ATE1: variants seen among roughly 807,000 people sequenced by gnomAD.
The protein encoded by ATE1 is arginyltransferase 1, also known as arginyl-tRNA--protein transferase 1.
A neutral mutation model predicts 70.5 loss-of-function variants in ATE1; 36 were observed. The observed-to-expected ratio is 0.51, with a 90% CI of 0.39 to 0.67. The LOEUF is 0.67. ATE1 is among the 30% of genes least tolerant of loss of function. ATE1 has a pLI of 0.00. For missense variants in ATE1, 593 were observed against 629.5 expected (o/e 0.94, Z 0.62); for synonymous variants, 232 against 219.3 (o/e 1.06, Z -0.51).
intron 4 of ATE1, among the ~76,000 whole-genome samples, chr10:121,913,141 G>A (rs7092306): frequency 0.91 from 137,811 of 152,248 alleles, 62,519 homozygotes; most frequent in Middle Eastern, 0.96. Context: ...GGCCTCCCAA[G>A]GTGCTGGGAT....
intron 7 of ATE1, among the ~76,000 whole-genome samples, chr10:121,887,266 T>C (rs967202104): frequency 6.6e-6 from 1 of 152,176 alleles, no homozygotes; most frequent in Non-Finnish European, 1.5e-5. Flanking sequence ...AATGGACTCA[T>C]CACGACCTTT....
chr10:121,794,395 A>C (rs2133313603), intron 10 of ATE1, among the ~76,000 whole-genome samples: 1 of 152,266 alleles, frequency 6.6e-6, no homozygotes, highest in South Asian at 2.1e-4. Context: ...AGAACATAAA[A>C]GAAGAGAATA....
intron 7 of ATE1, among the ~76,000 whole-genome samples, chr10:121,890,566 G>T (rs573056499): frequency 1.3e-3 from 204 of 152,228 alleles, no homozygotes; most frequent in Middle Eastern, 3.4e-3. Flanking sequence ...TAAAATTTGG[G>T]AAACAATTAG....
intron 11 of ATE1, among the ~76,000 whole-genome samples, chr10:121,784,382 A>G (rs1946121759): frequency 6.6e-6 from 1 of 152,256 alleles, no homozygotes; most frequent in African/African-American, 2.4e-5. Context: ...CAAGTAAAAC[A>G]TTATACTTCA....
chr10:121,877,475 T>C (rs1222530509), intron 7 of ATE1, among the ~76,000 whole-genome samples: 1 of 152,120 alleles, frequency 6.6e-6, no homozygotes, highest in Non-Finnish European at 1.5e-5. Context: ...AGTATAGTTA[T>C]TTCCAGGTTG....
rs1337247371 is a variant in ATE1 at position 121,741,859 on chromosome 10, T to C, written c.*1821A>G. 2.6e-5 allele frequency: 4 copies of C among 152,252 alleles called. No homozygotes were observed. The highest frequency in any genetic ancestry group is 2.6e-4 in the Admixed American group (4 of 15,284). 9.4% of individuals were successfully genotyped at this position (152,252 alleles called of 1,614,324 possible). On this transcript the variant is annotated 3_prime_UTR_variant, in exon 12 of 12. Transcript: ENST00000224652. ...TGTGTATACATACATGACAGTTCTT[T>C]TCTCCTTCTGAGTATGGTAGGGTTG... is the stretch of plus-strand genomic sequence containing the variant.
At position 121,816,043 on chromosome 10, in the gene ATE1, A is replaced by T. The variant is rs528963968; in HGVS notation, c.1257+20675T>A. Among the ~76,000 whole-genome samples, 152 of 152,318 alleles carry T rather than the reference A, an allele frequency of 1.0e-3. 1 individual carries two copies. The highest frequency in any genetic ancestry group is 3.4e-3 in the Middle Eastern group (1 of 294). ...TAGCTATTTTAGGGCAAACAGAAAT[A>T]GGAACTCAGAATGGGCGCCTATTCA... is the stretch of plus-strand genomic sequence containing the variant. On this transcript the variant is annotated intron_variant, in intron 10 of 11. Coordinates refer to ENST00000224652, the MANE Select transcript of ATE1 (RefSeq NM_001001976.3).
chr10:121,743,916 CTTTTTTTTTTTTT>C (rs35850942), intron 11 of ATE1, 58 bp from the exon 12 acceptor site: 31 of 870,828 alleles, frequency 3.6e-5, no homozygotes, highest in African/African-American at 1.2e-4. Flanking sequence ...TTTTTGTTTC[CTTTTTTTTTTTTT>C]TTTTTTTTTT....
rs559089347 is a variant in ATE1 at position 121,854,178 on chromosome 10, G to C, written c.976-12915C>G. Among the ~76,000 whole-genome samples, 214 of 152,124 alleles carry C rather than the reference G, an allele frequency of 1.4e-3. 1 individual carries two copies. Among genetic ancestry groups the C allele is most frequent in the African/African-American group, 5.0e-3 (207 of 41,508 alleles). On this transcript the variant is annotated intron_variant, in intron 8 of 11. Transcript: ENST00000224652. The stretch of plus-strand genomic sequence containing the variant: ...GGTTAACTTGTAGATTTCTGTTGGG[G>C]GTGGGGAACAAATAATCCCTTACAT...
intron 11 of ATE1, among the ~76,000 whole-genome samples, chr10:121,760,157 C>T (rs114659456): frequency 0.011 from 1,657 of 152,262 alleles, 11 homozygotes; most frequent in African/African-American, 0.029. Flanking sequence ...CCAAGAGTTC[C>T]GATGAAGTTA....
At chr10:121,807,325 G>GTAA (rs1486025931) in intron 10 of ATE1, among the ~76,000 whole-genome samples, 3 of 152,332 alleles carry the variant, frequency 2.0e-5, no homozygotes, top group South Asian at 4.1e-4. Context: ...GAAAGGAAGA[G>GTAA]TAACCAAAGG....
intron 10 of ATE1, among the ~76,000 whole-genome samples, chr10:121,799,440 C>CA (rs370086606): frequency 0.095 from 13,636 of 143,398 alleles, 744 homozygotes; most frequent in Admixed American, 0.18. Flanking sequence ...TTTAGGAAAA[C>CA]AAAAAAAAAA....
At chr10:121,919,026 C>A (rs552304674) in intron 3 of ATE1, among the ~76,000 whole-genome samples, 1 of 144,812 alleles carries the variant, frequency 6.9e-6, no homozygotes, top group Admixed American at 6.8e-5. Context: ...ATAAAATGGA[C>A]CAATCAGCAC....
At chr10:121,911,294 G>A in intron 4 of ATE1, 143 bp from the exon 5 acceptor site, 1 of 1,072,552 alleles carries the variant, frequency 9.3e-7, no homozygotes, top group Non-Finnish European at 1.3e-6. Flanking sequence ...CAAAATAAGA[G>A]AGCTGCACTT....
At chr10:121,870,751 G>A (rs1372884585) in intron 7 of ATE1, among the ~76,000 whole-genome samples, 1 of 152,070 alleles carries the variant, frequency 6.6e-6, no homozygotes, top group Non-Finnish European at 1.5e-5. Flanking sequence ...TATTATAGAG[G>A]GGGATAGAAA....
At chr10:121,828,921 G>T (rs1343703981) in intron 10 of ATE1, among the ~76,000 whole-genome samples, 1 of 152,150 alleles carries the variant, frequency 6.6e-6, no homozygotes, top group African/African-American at 2.4e-5. Context: ...AAACTTACAT[G>T]TACAAATCTA....
At position 121,761,741 on chromosome 10, in the gene ATE1, C is replaced by G. The variant is rs139845108; in HGVS notation, c.1379-17883G>C. ...TTTTTACATTGCCACAAGTCCCAAT[C>G]TAGAAATCCATCCTCTTCCCCATTC... On this transcript the variant is annotated intron_variant, in intron 11 of 11. Coordinates refer to ENST00000224652, the MANE Select transcript of ATE1 (RefSeq NM_001001976.3). 6.4e-4 allele frequency among the ~76,000 whole-genome samples: 97 copies of G among 152,308 alleles called. 1 individual carries two copies. Among genetic ancestry groups the G allele is most frequent in the African/African-American group, 2.2e-3 (93 of 41,574 alleles).
intron 11 of ATE1, among the ~76,000 whole-genome samples, chr10:121,748,055 T>C (rs2135684515): frequency 6.6e-6 from 1 of 152,266 alleles, no homozygotes; most frequent in South Asian, 2.1e-4. Flanking sequence ...GCAAGAACAA[T>C]GGCAAAACAA....
chr10:121,907,125 C>T (rs192934334), intron 5 of ATE1, among the ~76,000 whole-genome samples: 8 of 151,920 alleles, frequency 5.3e-5, no homozygotes, highest in African/African-American at 1.9e-4. Flanking sequence ...TTTCTCAGTG[C>T]AGAAGAAACT....
Sources: gnomAD v4.1 joint callset for allele counts (sites outside exome capture counted in the v4.1 genomes callset) on GRCh38, gnomAD v4.1.1 for gene constraint, MANE v1.5 for transcripts, NCBI Gene and HGNC (gene_info 2026-07-23, HGNC 2026-07-21) for gene names.